The following MEX3D variants were observed in gnomAD, a reference collection of about 807,000 sequenced individuals.
MEX3D encodes mex-3 RNA binding family member D, also known as RNA-binding protein MEX3D.
MEX3D carries 4 observed loss-of-function variants against 6.3 expected under a neutral mutation model. The observed-to-expected ratio is 0.64, with a 90% CI of 0.31 to 1.46. The LOEUF (loss-of-function observed/expected upper bound fraction) is 1.46. Ranked by LOEUF, MEX3D falls within the 40% of genes most tolerant of loss-of-function variation. MEX3D has a pLI of 0.07. For missense variants in MEX3D, 1,038 were observed against 994.4 expected (o/e 1.04, Z -0.59); for synonymous variants, 626 against 494.1 (o/e 1.27, Z -3.54).
At chr19:1,558,046 T>C (rs1486474645) in intron 1 of MEX3D, among the ~76,000 whole-genome samples, 1 of 71,456 alleles carries the variant, frequency 1.4e-5, no homozygotes, top group Non-Finnish European at 2.5e-5. Context: ...CAAGACTCCA[T>C]TTCAAAAAAA....
chr19:1,563,344 T>C (rs1272007608), intron 1 of MEX3D, among the ~76,000 whole-genome samples: 1 of 152,176 alleles, frequency 6.6e-6, no homozygotes, highest in Non-Finnish European at 1.5e-5. Context: ...TCACTAGCCT[T>C]AGCCTGTGCC....
Position 1,567,417 on chromosome 19 carries a change from C to A in MEX3D, c.595+47G>T. The A allele has an allele frequency of 1.3e-6, 2 of 1,510,096 alleles. No individual in the cohort carries two copies. The highest frequency in any genetic ancestry group is 1.8e-6 in the Non-Finnish European group (2 of 1,133,560). 93.5% of individuals were successfully genotyped at this position (1,510,096 alleles called of 1,614,324 possible). ...GGGCGACCCCCTTCCCCGGGGCGGA[C>A]GGTGCGGGGACCCCCAGGACAGCAA... On this transcript the variant is annotated intron_variant, in intron 1 of 1. Coordinates refer to ENST00000402693, the MANE Select transcript of MEX3D (RefSeq NM_203304.4). The surrounding 1 kb of genome is among the most constrained non-coding windows in gnomAD (Gnocchi z 6.5).
chr19:1,556,141 G>GGAAGTCGAAGTC lies in MEX3D; in HGVS notation c.1366_1377dup (p.Asp456_Phe459dup). The GGAAGTCGAAGTC allele has an allele frequency of 6.8e-7, 1 of 1,475,232 alleles. No individual in the cohort carries two copies. The highest frequency in any genetic ancestry group is 9.0e-7 in the Non-Finnish European group (1 of 1,113,402). The allele number at this position is 1,475,232 out of a possible 1,614,324, so 91.4% of individuals were successfully genotyped here. On this transcript the variant is annotated inframe_insertion, in exon 2 of 2. Coordinates refer to ENST00000402693, the MANE Select transcript of MEX3D (RefSeq NM_203304.4). The surrounding 1 kb of genome is among the most constrained non-coding windows in gnomAD (Gnocchi z 7.5). ...GCGGGCACGGTCAGGTCCAGCGCCA[G>GGAAGTCGAAGTC]GAAGTCGAAGTCGAAGCCGAAGTCG...
In MEX3D at chr19:1,567,085, C is replaced by T. The variant is rs562458751; in HGVS notation, c.595+379G>A. On this transcript the variant is annotated intron_variant, in intron 1 of 1. Transcript: ENST00000402693. This position sits in a 1 kb window ranked among gnomAD's most constrained non-coding sequence, Gnocchi z 6.5. The stretch of plus-strand genomic sequence containing the variant: ...CTAAACCTGCGCTTGCCCCGCCCCG[C>T]CGCCTGTGCTGGGTGTGGGGCGCCC... Among the ~76,000 whole-genome samples, 1 of 152,242 alleles carries T rather than the reference C, an allele frequency of 6.6e-6. No homozygotes were observed. Among genetic ancestry groups the T allele is most frequent in the Admixed American group, 6.5e-5 (1 of 15,302 alleles).
At chr19:1,565,939 G>A (rs757635500) in intron 1 of MEX3D, among the ~76,000 whole-genome samples, 7 of 152,228 alleles carry the variant, frequency 4.6e-5, no homozygotes, top group Admixed American at 2.6e-4. Flanking sequence ...CAGGACAAGC[G>A]CGTTCACAAA....
At chr19:1,560,418 G>A (rs931927513) in intron 1 of MEX3D, among the ~76,000 whole-genome samples, 5 of 152,250 alleles carry the variant, frequency 3.3e-5, no homozygotes, top group African/African-American at 1.2e-4. Flanking sequence ...CCGGCAGAGG[G>A]CAGAGCCCGC....
chr19:1,558,981 T>C (rs1207691537), intron 1 of MEX3D, among the ~76,000 whole-genome samples: 11 of 140,788 alleles, frequency 7.8e-5, no homozygotes, highest in Non-Finnish European at 7.8e-5. Flanking sequence ...GCCTTAATGG[T>C]TTTTTTTTTT....
chr19:1,564,762 C>T (rs569109314), intron 1 of MEX3D, among the ~76,000 whole-genome samples: 1 of 152,078 alleles, frequency 6.6e-6, no homozygotes, highest in Non-Finnish European at 1.5e-5. Context: ...GTGCACCCTT[C>T]CTGGCCTCCA....
At position 1,555,366 on chromosome 19, in the gene MEX3D, G is replaced by GCTGCGGGGTCTC; in HGVS notation, c.*185_*196dup. 6.2e-7 allele frequency: 1 copy of GCTGCGGGGTCTC among 1,602,782 alleles called. No individual in the cohort carries two copies. The highest frequency in any genetic ancestry group is 8.5e-7 in the Non-Finnish European group (1 of 1,174,216). On this transcript the variant is annotated 3_prime_UTR_variant, in exon 2 of 2. Coordinates refer to ENST00000402693, the MANE Select transcript of MEX3D (RefSeq NM_203304.4). ...CGTTGAAGGGCTGAGGCGCCGCCGG[G>GCTGCGGGGTCTC]CTGCGGGGTCTCCGTCTCCACGCCT...
chr19:1,563,300 G>A (rs1034562564), intron 1 of MEX3D, among the ~76,000 whole-genome samples: 2 of 152,190 alleles, frequency 1.3e-5, no homozygotes, highest in South Asian at 2.1e-4. Context: ...CAGTGAGCCA[G>A]GGGTCGCCCC....
chr19:1,555,388 G>GCCTGAGGC lies in MEX3D; in HGVS notation c.*167_*174dup. ...CGGGCTGCGGGGTCTCCGTCTCCAC[G>GCCTGAGGC]CCTGAGGCGGCAGTTAAAGCTCATC... On this transcript the variant is annotated 3_prime_UTR_variant, in exon 2 of 2. Transcript: ENST00000402693. 2 of 1,601,952 alleles carry GCCTGAGGC rather than the reference G, an allele frequency of 1.2e-6. No individual in the cohort carries two copies. Among genetic ancestry groups the GCCTGAGGC allele is most frequent in the Non-Finnish European group, 1.7e-6 (2 of 1,174,088 alleles).
chr19:1,557,018 C>T (rs956049751), intron 1 of MEX3D, 95 bp from the exon 2 acceptor site: 2 of 1,410,820 alleles, frequency 1.4e-6, no homozygotes, highest in East Asian at 2.3e-5. Flanking sequence ...GTGAGGGAGC[C>T]CCTACCTCCC....
chr19:1,558,496 C>T (rs1470866123), intron 1 of MEX3D, among the ~76,000 whole-genome samples: 3 of 152,082 alleles, frequency 2.0e-5, no homozygotes, highest in Non-Finnish European at 2.9e-5. Context: ...CTGAAGGCGC[C>T]CCCCGCCCTG....
Position 1,555,382 on chromosome 19 carries a change from C to A in MEX3D, c.*181G>T. The A allele has an allele frequency of 1.2e-6, 2 of 1,602,308 alleles. No individual in the cohort carries two copies. Among genetic ancestry groups the A allele is most frequent in the Non-Finnish European group, 1.7e-6 (2 of 1,173,996 alleles). On this transcript the variant is annotated 3_prime_UTR_variant, in exon 2 of 2. Transcript: ENST00000402693. ...CGCCGCCGGGCTGCGGGGTCTCCGT[C>A]TCCACGCCTGAGGCGGCAGTTAAAG... is the stretch of plus-strand genomic sequence containing the variant.
Position 1,555,931 on chromosome 19 carries a change from A to G in MEX3D, c.1588T>C (p.Ser530Pro). ...PGGLRLELPL[S>P]RRGAPDPVGA... Reference sequence around the variant, plus strand: ...ACCGGGTCCGGGGCGCCACGGCGAGACAGCGGGAGCTCCAGGCGGAGGCCG... The same window carrying G: ...ACCGGGTCCGGGGCGCCACGGCGAGGCAGCGGGAGCTCCAGGCGGAGGCCG... The change falls in exon 2 of 2, where the codon TCT becomes CCT. Residue 530 changes from serine (S) to proline (P), a missense_variant. Coordinates refer to ENST00000402693, the MANE Select transcript of MEX3D (RefSeq NM_203304.4). 3 of 1,189,388 alleles carry G rather than the reference A, an allele frequency of 2.5e-6. No individual in the cohort carries two copies. The highest frequency in any genetic ancestry group is 4.7e-5 in the Admixed American group (1 of 21,392). 73.7% of individuals were successfully genotyped at this position (1,189,388 alleles called of 1,614,324 possible). A position where few individuals can be genotyped will look rare whatever the true frequency, so the allele number is the denominator to read the frequency against.
In MEX3D at chr19:1,556,729, C is replaced by T. The variant is rs771190527; in HGVS notation, c.790G>A (p.Ala264Thr). ...CCGGGAAGGTTGGGCGGGCCCTGGG[C>T]GGCGCCGGGCAGACCCCCGGCCTTG... Reference protein sequence around the residue: ...RSKAGGLPGAAQGPPNLPGQT... With the variant: ...RSKAGGLPGATQGPPNLPGQT... Residue 264 changes from alanine (A) to threonine (T), a missense_variant, in exon 2 of 2, where the codon GCC becomes ACC. Ala to Thr is a moderately conservative substitution (Grantham distance 58). This residue lies in a region of MEX3D where 52 missense variants were observed against 37.4 expected (regional missense o/e 1.39). Coordinates refer to ENST00000402693, the MANE Select transcript of MEX3D (RefSeq NM_203304.4). This position sits in a 1 kb window ranked among gnomAD's most constrained non-coding sequence, Gnocchi z 7.5. 8 of 1,611,384 alleles carry T rather than the reference C, an allele frequency of 5.0e-6. No homozygotes were observed. In the Admixed American group the frequency reaches 6.7e-5, roughly 13 times the overall value.
At chr19:1,564,951 G>T (rs1914803871) in intron 1 of MEX3D, among the ~76,000 whole-genome samples, 1 of 152,170 alleles carries the variant, frequency 6.6e-6, no homozygotes, top group Non-Finnish European at 1.5e-5. Flanking sequence ...CTACAGTGTG[G>T]AAGAAGTACA....
chr19:1,555,442 T>TCC lies in MEX3D; in HGVS notation c.*120_*121insGG. 1.3e-5 allele frequency: 5 copies of TCC among 372,134 alleles called. No individual in the cohort carries two copies. In the South Asian group the frequency reaches 1.6e-4, roughly 12 times the overall value. The allele number at this position is 372,134 out of a possible 1,614,324, so 23.1% of individuals were successfully genotyped here. A position where few individuals can be genotyped will look rare whatever the true frequency, so the allele number is the denominator to read the frequency against. On this transcript the variant is annotated 3_prime_UTR_variant, in exon 2 of 2. Coordinates refer to ENST00000402693, the MANE Select transcript of MEX3D (RefSeq NM_203304.4). Reference sequence around the variant, plus strand: ...AAACACTGGCCGCCGCCCACCCCCCTGCCCCCTCGGCCTCCGCCCCTCGCC... The same window carrying TCC: ...AAACACTGGCCGCCGCCCACCCCCCTCCGCCCCCTCGGCCTCCGCCCCTCGCC...
Position 1,567,711 on chromosome 19 carries a change from G to C in MEX3D, c.348C>G (p.Ala116=). 9.7e-7 allele frequency: 1 copy of C among 1,032,482 alleles called. No homozygotes were observed. The highest frequency in any genetic ancestry group is 1.2e-6 in the Non-Finnish European group (1 of 851,174). 64.0% of individuals were successfully genotyped at this position (1,032,482 alleles called of 1,614,324 possible). A position where few individuals can be genotyped will look rare whatever the true frequency, so the allele number is the denominator to read the frequency against. The part of the protein sequence containing the change: ...GPEAGAPPTL[A]PAVAPGSLPL... ...GCAGCGACCCGGGGGCCACGGCGGGGGCCAGGGTCGGGGGCGCGCCGGCCT... is the reference window on the plus strand; with the variant it reads ...GCAGCGACCCGGGGGCCACGGCGGGCGCCAGGGTCGGGGGCGCGCCGGCCT... Residue 116 remains alanine (A), a synonymous_variant, in exon 1 of 2, where the codon GCC becomes GCG. Coordinates refer to ENST00000402693, the MANE Select transcript of MEX3D (RefSeq NM_203304.4). The surrounding 1 kb of genome is among the most constrained non-coding windows in gnomAD (Gnocchi z 6.5).
Sources: allele counts gnomAD v4.1 joint callset (sites outside exome capture counted in the v4.1 genomes callset), GRCh38; gene constraint gnomAD v4.1.1; regional missense constraint gnomAD v4.1.1; non-coding constraint Gnocchi (gnomAD v3.1); transcripts MANE v1.5; gene names NCBI Gene and HGNC (gene_info 2026-07-23, HGNC 2026-07-21).